Variants in IQCB1 observed in about 807,000 individuals in gnomAD.
IQCB1 encodes the protein IQ motif containing B1, also known as IQ calmodulin-binding motif-containing protein 1.
IQCB1 carries 56 observed loss-of-function variants against 84.4 expected under a neutral mutation model. The ratio of observed to expected loss-of-function variants is 0.66; its 90% CI spans 0.54 to 0.83. IQCB1 has a LOEUF of 0.83. Among genes scored for constraint, IQCB1 ranks in the 40% least tolerant of loss-of-function variants. The pLI is 0.00. For synonymous variants in IQCB1, 210 were observed against 234.8 expected (o/e 0.89, Z 0.96); for missense variants, 629 against 682.1 (o/e 0.92, Z 0.87).
chr3:121,781,142 T>C (rs1948471051), intron 13 of IQCB1, among the ~76,000 whole-genome samples: 1 of 152,136 alleles, frequency 6.6e-6, no homozygotes, highest in Admixed American at 6.5e-5. Flanking sequence ...AGTGGTGAGT[T>C]ATTCCCAAGG....
chr3:121,827,627 A>G (rs1425917407), intron 4 of IQCB1, among the ~76,000 whole-genome samples: 1 of 152,108 alleles, frequency 6.6e-6, no homozygotes, highest in Non-Finnish European at 1.5e-5. Context: ...GAAAAAGAAT[A>G]TCACATATAT....
At chr3:121,778,076 T>C (rs1344564048) in intron 13 of IQCB1, among the ~76,000 whole-genome samples, 2 of 152,018 alleles carry the variant, frequency 1.3e-5, no homozygotes, top group African/African-American at 4.8e-5. Flanking sequence ...CCTGGCTAAT[T>C]TTTAAATTTT....
Position 121,788,625 on chromosome 3 carries a change from C to T in IQCB1, c.1130-193G>A, listed in dbSNP as rs111642303. ...AAAGCTTTCCCAGATTATGCAGCTT[C>T]TTCACAGAAAGAACTCATATAATAT... On this transcript the variant is annotated intron_variant, in intron 11 of 14. Transcript: ENST00000310864. 1.4e-3 allele frequency among the ~76,000 whole-genome samples: 209 copies of T among 151,410 alleles called. 3 individuals carry two copies. Among genetic ancestry groups the T allele is most frequent in the African/African-American group, 4.8e-3 (197 of 41,208 alleles).
Position 121,790,132 on chromosome 3 carries a change from T to TA in IQCB1, c.1069_1070insT (p.Gln357LeufsTer62). The TA allele has an allele frequency of 6.2e-7, 1 of 1,613,708 alleles. No individual in the cohort carries two copies. The highest frequency in any genetic ancestry group is 8.5e-7 in the Non-Finnish European group (1 of 1,179,610). On this transcript the variant is annotated frameshift_variant, in exon 11 of 15. Coordinates refer to ENST00000310864, the MANE Select transcript of IQCB1 (RefSeq NM_001023570.4). LOFTEE classifies it high-confidence loss of function. ...TTCTCGGGAAAGTCTCATGGCTCTCTGTCTTTGAAGTTGCAATTGTAATTT... is the reference window on the plus strand; with the variant it reads ...TTCTCGGGAAAGTCTCATGGCTCTCTAGTCTTTGAAGTTGCAATTGTAATTT...
chr3:121,781,911 C>T (rs1261035230), intron 12 of IQCB1, 37 bp from the exon 13 acceptor site: 1 of 1,603,166 alleles, frequency 6.2e-7, no homozygotes, highest in East Asian at 2.2e-5. Flanking sequence ...TGATTTTTCT[C>T]CCCTAACTAA....
intron 14 of IQCB1, among the ~76,000 whole-genome samples, chr3:121,772,069 G>A (rs1183261338): frequency 6.6e-6 from 1 of 152,098 alleles, no homozygotes; most frequent in African/African-American, 2.4e-5. Context: ...AGCTACTCGG[G>A]GAGGCTGAGG....
At position 121,770,161 on chromosome 3, in the gene IQCB1, G is replaced by GAGAAA; in HGVS notation, c.*179_*183dup. 1 of 588,792 alleles carries GAGAAA rather than the reference G, an allele frequency of 1.7e-6. No homozygotes were observed. Among genetic ancestry groups the GAGAAA allele is most frequent in the Non-Finnish European group, 3.0e-6 (1 of 330,978 alleles). The allele number at this position is 588,792 out of a possible 1,614,324, so 36.5% of individuals were successfully genotyped here. A position where few individuals can be genotyped will look rare whatever the true frequency, so the allele number is the denominator to read the frequency against. ...GTGTGTGGCTAACGATGAGGATACA[G>GAGAAA]AGAAAAGAAAAAGAAAATTGAGAGA... On this transcript the variant is annotated 3_prime_UTR_variant, in exon 15 of 15. Transcript: ENST00000310864.
At chr3:121,807,578 A>G (rs1439704937) in intron 6 of IQCB1, 135 bp from the exon 7 acceptor site, 1 of 578,650 alleles carries the variant, frequency 1.7e-6, no homozygotes, top group Non-Finnish European at 3.1e-6. Context: ...TCTACGATAA[A>G]GAAGACTTTA....
At chr3:121,784,401 A>C (rs1481438392) in intron 12 of IQCB1, among the ~76,000 whole-genome samples, 1 of 151,790 alleles carries the variant, frequency 6.6e-6, no homozygotes, top group Middle Eastern at 3.4e-3. Context: ...TCCTTTTATT[A>C]GTCTTTCAGT....
At chr3:121,808,868 A>C in intron 6 of IQCB1, 48 bp downstream of exon 6, 1 of 1,083,234 alleles carries the variant, frequency 9.2e-7, no homozygotes, top group South Asian at 1.3e-5. Flanking sequence ...AACTGTTAGC[A>C]GTTGACTCTA....
rs1252302836 is a variant in IQCB1, at chr3:121,804,516, GAC to G, written c.587+2826_587+2827del. ...TCTGCTGAGCATGTAATTCTAATTT[GAC>G]AGTTTTCTTTTTCAGTATTCAACTG... is the stretch of plus-strand genomic sequence containing the variant. On this transcript the variant is annotated intron_variant, in intron 7 of 14. Transcript: ENST00000310864. 2.6e-5 allele frequency among the ~76,000 whole-genome samples: 4 copies of G among 152,086 alleles called. No homozygotes were observed. In the East Asian group the frequency reaches 7.7e-4, roughly 29 times the overall value.
intron 6 of IQCB1, among the ~76,000 whole-genome samples, chr3:121,808,350 G>A (rs1346847915): frequency 6.6e-6 from 1 of 151,888 alleles, no homozygotes; most frequent in Non-Finnish European, 1.5e-5. Context: ...ATCTATATTA[G>A]ATGAAATTTT....
chr3:121,802,746 G>A (rs930816026), intron 7 of IQCB1, among the ~76,000 whole-genome samples: 47 of 152,074 alleles, frequency 3.1e-4, no homozygotes, highest in African/African-American at 1.1e-3. Flanking sequence ...GGGGAAAGCC[G>A]AGGTCAATGA....
chr3:121,825,011 G>A (rs762770872), intron 5 of IQCB1, among the ~76,000 whole-genome samples: 6 of 151,632 alleles, frequency 4.0e-5, no homozygotes, highest in Admixed American at 6.6e-5. Context: ...TGACATGCAC[G>A]AGTTTCAGTT....
At chr3:121,799,446 T>A in intron 7 of IQCB1, 72 bp from the exon 8 acceptor site, 1 of 909,402 alleles carries the variant, frequency 1.1e-6, no homozygotes, top group South Asian at 1.5e-5. Context: ...ATCTAAAATA[T>A]AAGATTCAGT....
rs1216152770 is a variant in IQCB1 at position 121,795,549 on chromosome 3, T to C, written c.894A>G (p.Ala298=). The change falls in exon 10 of 15, where the codon GCA becomes GCG. Residue 298 remains alanine, a synonymous_variant. Coordinates refer to ENST00000310864, the MANE Select transcript of IQCB1 (RefSeq NM_001023570.4). ...CCTTCCAATAGGCTTGAATCAAGCA[T>C]GCTGCTTGATGTAGTTTCTGAAATG... ...EVEEQKLHQA[A]CLIQAYWKGF... The C allele has an allele frequency of 1.7e-5, 27 of 1,585,902 alleles. No homozygotes were observed. The highest frequency in any genetic ancestry group is 2.1e-5 in the Non-Finnish European group (24 of 1,154,776).
chr3:121,783,506 T>G (rs573455605), intron 12 of IQCB1, among the ~76,000 whole-genome samples: 1 of 152,344 alleles, frequency 6.6e-6, no homozygotes, highest in Admixed American at 6.5e-5. Flanking sequence ...TACTTTTCCT[T>G]CCTTGCACAT....
intron 5 of IQCB1, among the ~76,000 whole-genome samples, chr3:121,820,539 C>T (rs1353277703): frequency 6.6e-6 from 1 of 152,120 alleles, no homozygotes; most frequent in Non-Finnish European, 1.5e-5. Context: ...CAACCTATAG[C>T]CATAGTCCTG....
chr3:121,786,499 A>C (rs200796178), intron 12 of IQCB1, among the ~76,000 whole-genome samples: 19 of 18,894 alleles, frequency 1.0e-3, no homozygotes, highest in Admixed American at 6.8e-3. Flanking sequence ...CATGTCTCTT[A>C]AAAAAAAAAA....
Sources: allele counts gnomAD v4.1 joint callset (sites outside exome capture counted in the v4.1 genomes callset), GRCh38; gene constraint gnomAD v4.1.1; transcripts MANE v1.5; gene names NCBI Gene and HGNC (gene_info 2026-07-23, HGNC 2026-07-21).